Variants in TRHDE observed in about 807,000 individuals in gnomAD.
TRHDE encodes the protein thyrotropin-releasing hormone-degrading ectoenzyme.
In TRHDE, 72 loss-of-function variants were observed where a neutral mutation model predicts 125.7. The observed-to-expected ratio is 0.57, with a 90% CI of 0.47 to 0.70. The LOEUF (loss-of-function observed/expected upper bound fraction) is 0.70, where lower values mean the gene tolerates loss of function less well. Among genes scored for constraint, TRHDE ranks in the 30% least tolerant of loss-of-function variants. The probability of loss-of-function intolerance (pLI) is 0.00; values close to 1 mark genes in which losing one functional copy is unlikely to be tolerated. For synonymous variants in TRHDE, 509 were observed against 509.1 expected (o/e 1.00, Z 0.00); for missense variants, 1,110 against 1,327.1 (o/e 0.84, Z 2.54).
At chr12:72,289,467 T>C (rs937006844) in intron 2 of TRHDE, among the ~76,000 whole-genome samples, 1 of 152,214 alleles carries the variant, frequency 6.6e-6, no homozygotes, top group Non-Finnish European at 1.5e-5. Flanking sequence ...ATGTTTTGTT[T>C]ACCCATCCCC....
intron 6 of TRHDE, among the ~76,000 whole-genome samples, chr12:72,536,634 C>T (rs1868874541): frequency 6.6e-6 from 1 of 151,946 alleles, no homozygotes; most frequent in Non-Finnish European, 1.5e-5. Flanking sequence ...AGAGGGGCAG[C>T]AGTGGGAAAT....
At chr12:72,528,509 T>G (rs1005989467) in intron 6 of TRHDE, among the ~76,000 whole-genome samples, 3 of 152,144 alleles carry the variant, frequency 2.0e-5, no homozygotes, top group Non-Finnish European at 4.4e-5. Context: ...AAACAAATAG[T>G]GTTTTCTGAG....
intron 3 of TRHDE, among the ~76,000 whole-genome samples, chr12:72,398,229 A>G (rs551833351): frequency 7.2e-5 from 11 of 151,758 alleles, no homozygotes; most frequent in Non-Finnish European, 1.6e-4. Context: ...AATCCAGTCT[A>G]TCATTGTTGG....
At chr12:72,350,068 C>G (rs73139156) in intron 2 of TRHDE, among the ~76,000 whole-genome samples, 1,594 of 152,024 alleles carry the variant, frequency 0.01, 11 homozygotes, top group Non-Finnish European at 0.018. Context: ...TTCTTTAAAA[C>G]TACAATTTAC....
chr12:72,621,626 C>T lies in TRHDE; in HGVS notation c.2568-18C>T. 1.3e-6 allele frequency: 2 copies of T among 1,552,514 alleles called. No homozygotes were observed. The highest frequency in any genetic ancestry group is 8.8e-7 in the Non-Finnish European group (1 of 1,138,206). On this transcript the variant is annotated intron_variant, in intron 14 of 18. Coordinates refer to ENST00000261180, the MANE Select transcript of TRHDE (RefSeq NM_013381.3). Reference sequence around the variant, plus strand: ...CCTAACTTTCTTTTTAATTTGTTTCCCTTTTGATGATATCTAGAGAACTAC... The same window carrying T: ...CCTAACTTTCTTTTTAATTTGTTTCTCTTTTGATGATATCTAGAGAACTAC...
intron 2 of TRHDE, among the ~76,000 whole-genome samples, chr12:72,237,162 T>C (rs899774697): frequency 2.6e-5 from 4 of 152,152 alleles, no homozygotes; most frequent in African/African-American, 9.7e-5. Context: ...TTGTGAGATA[T>C]TATCATTCAC....
intron 2 of TRHDE, among the ~76,000 whole-genome samples, chr12:72,191,220 C>T (rs775804210): frequency 3.9e-5 from 6 of 152,126 alleles, no homozygotes; most frequent in African/African-American, 1.2e-4. Flanking sequence ...TAGTGGAGAT[C>T]GTGGCAGAAG....
At chr12:72,136,579 T>G (rs1397206912) in intron 2 of TRHDE, among the ~76,000 whole-genome samples, 1 of 152,222 alleles carries the variant, frequency 6.6e-6, no homozygotes, top group Non-Finnish European at 1.5e-5. Context: ...TTGTTAATCA[T>G]AGTTTGGGAT....
upstream of TRHDE, among the ~76,000 whole-genome samples, chr12:72,269,732 A>G (rs148647243): frequency 0.011 from 1,680 of 152,192 alleles, 16 homozygotes; most frequent in South Asian, 0.026. Flanking sequence ...AATGTATTGT[A>G]CTCAGGTGAT....
chr12:72,506,709 A>T (rs1267502592), intron 6 of TRHDE, among the ~76,000 whole-genome samples: 2 of 152,180 alleles, frequency 1.3e-5, no homozygotes, highest in African/African-American at 2.4e-5. Flanking sequence ...GATATGGACC[A>T]TCTCAGTGGA....
intron 9 of TRHDE, among the ~76,000 whole-genome samples, chr12:72,564,528 A>G (rs1443333488): frequency 1.3e-5 from 2 of 152,078 alleles, no homozygotes; most frequent in African/African-American, 4.8e-5. Context: ...TATAACATAC[A>G]TCAGATGTAC....
chr12:72,123,540 A>G (rs1289119030), intron 2 of TRHDE, among the ~76,000 whole-genome samples: 1 of 152,074 alleles, frequency 6.6e-6, no homozygotes, highest in Non-Finnish European at 1.5e-5. Flanking sequence ...CATGATGTGT[A>G]TATACTTTTT....
intron 2 of TRHDE, among the ~76,000 whole-genome samples, chr12:72,353,220 GCAAA>G (rs1178247113): frequency 6.6e-6 from 1 of 151,630 alleles, no homozygotes; most frequent in African/African-American, 2.4e-5. Context: ...AGCAGAAAGA[GCAAA>G]CAGTCGGGAG....
intron 1 of TRHDE, among the ~76,000 whole-genome samples, chr12:72,282,372 C>T (rs1316588409): frequency 6.6e-6 from 1 of 152,050 alleles, no homozygotes; most frequent in South Asian, 2.1e-4. Flanking sequence ...ATTTTTTTCT[C>T]AAAATCACCG....
chr12:72,251,265 T>C (rs1032293691), intron 2 of TRHDE, among the ~76,000 whole-genome samples: 9 of 152,002 alleles, frequency 5.9e-5, no homozygotes, highest in Admixed American at 5.9e-4. Context: ...AAGGGTCCCT[T>C]ATGTTGCCCT....
chr12:72,113,106 C>A (rs1430660386), intron 2 of TRHDE, among the ~76,000 whole-genome samples: 1 of 152,118 alleles, frequency 6.6e-6, no homozygotes, highest in Non-Finnish European at 1.5e-5. Flanking sequence ...CAGCCTTGAC[C>A]TCCCAGGCTC....
rs1199057791 is a variant in TRHDE at position 72,273,105 on chromosome 12, C to G, written c.462C>G (p.Pro154=). The G allele has an allele frequency of 6.6e-7, 1 of 1,522,258 alleles. No homozygotes were observed. Among genetic ancestry groups the G allele is most frequent in the South Asian group, 1.2e-5 (1 of 81,434 alleles). The allele number at this position is 1,522,258 out of a possible 1,614,324, so 94.3% of individuals were successfully genotyped here. ...ACGCAGGCGGGGACTCCTGGCAGCCCGAGGCGGGTGGGGTGGCCAGTCCGG... is the reference window on the plus strand; with the variant it reads ...ACGCAGGCGGGGACTCCTGGCAGCCGGAGGCGGGTGGGGTGGCCAGTCCGG... ...NHHAGGDSWQ[P]EAGGVASPGT... The change falls in exon 1 of 19, where the codon CCC becomes CCG. Residue 154 remains proline, a synonymous_variant. Transcript: ENST00000261180. The surrounding 1 kb of genome is among the most constrained non-coding windows in gnomAD (Gnocchi z 5.3).
intron 3 of TRHDE, among the ~76,000 whole-genome samples, chr12:72,435,394 G>C (rs913792493): frequency 2.6e-5 from 4 of 152,226 alleles, no homozygotes; most frequent in Admixed American, 2.0e-4. Flanking sequence ...CTTTCAGCTT[G>C]AGAGCTCCCT....
intron 3 of TRHDE, among the ~76,000 whole-genome samples, chr12:72,420,344 T>C (rs1436314751): frequency 1.3e-5 from 2 of 152,184 alleles, no homozygotes; most frequent in Non-Finnish European, 2.9e-5. Flanking sequence ...CTGATTTTCA[T>C]AGAATGATGG....
Sources: allele counts gnomAD v4.1 joint callset (sites outside exome capture counted in the v4.1 genomes callset), GRCh38; gene constraint gnomAD v4.1.1; non-coding constraint Gnocchi (gnomAD v3.1); transcripts MANE v1.5; gene names NCBI Gene and HGNC (gene_info 2026-07-23, HGNC 2026-07-21).